The following KCNB2 variants were observed in gnomAD, a reference collection of about 807,000 sequenced individuals.
KCNB2 encodes potassium voltage-gated channel subfamily B member 2, also known as delayed rectifier potassium channel protein.
Under a neutral mutation model 61.5 loss-of-function variants are expected in KCNB2, and 15 were observed. The observed-to-expected ratio is 0.24, with a 90% CI of 0.16 to 0.38. KCNB2 has a LOEUF of 0.38. Ranked by LOEUF, KCNB2 falls within the 10% of genes least tolerant of loss-of-function variation. KCNB2 has a pLI of 1.00. For synonymous variants in KCNB2, 457 were observed against 446.0 expected (o/e 1.02, Z -0.31); for missense variants, 828 against 1,125.2 (o/e 0.74, Z 3.78).
chr8:72,688,683 C>T lies in KCNB2; in HGVS notation c.579+120370C>T, dbSNP rs140983601. ...AATTAACTACTTTAGAGTGTAATTA[C>T]CATAATTTTATAAAGAAAGGAGGAA... On this transcript the variant is annotated intron_variant, in intron 2 of 2. Coordinates refer to ENST00000523207, the MANE Select transcript of KCNB2 (RefSeq NM_004770.3). Among the ~76,000 whole-genome samples the T allele has an allele frequency of 4.6e-5, 7 of 152,024 alleles. No homozygotes were observed. In the East Asian group the frequency reaches 1.4e-3, roughly 29 times the overall value.
intron 2 of KCNB2, among the ~76,000 whole-genome samples, chr8:72,723,012 C>A (rs528316021): frequency 6.6e-6 from 1 of 152,170 alleles, no homozygotes; most frequent in East Asian, 1.9e-4. Flanking sequence ...AGCCAACCTC[C>A]CTTCTTCTTT....
chr8:72,752,979 A>AT (rs1400454189), intron 2 of KCNB2, among the ~76,000 whole-genome samples: 4 of 152,130 alleles, frequency 2.6e-5, no homozygotes, highest in Non-Finnish European at 2.9e-5. Flanking sequence ...ACATATTTCC[A>AT]TTTTTTTAGC....
chr8:72,919,517 A>T (rs1806465808), intron 2 of KCNB2, among the ~76,000 whole-genome samples: 1 of 152,190 alleles, frequency 6.6e-6, no homozygotes, highest in Admixed American at 6.5e-5. Context: ...AGAAGAGAAG[A>T]TTTGTGTGGT....
intron 2 of KCNB2, among the ~76,000 whole-genome samples, chr8:72,646,724 G>C (rs1806134900): frequency 6.6e-6 from 1 of 152,114 alleles, no homozygotes; most frequent in Non-Finnish European, 1.5e-5. Flanking sequence ...TCAAGGGCTA[G>C]GGGCAGTGGA....
chr8:72,829,228 A>G (rs193086998), intron 2 of KCNB2, among the ~76,000 whole-genome samples: 116 of 152,348 alleles, frequency 7.6e-4, no homozygotes, highest in African/African-American at 2.7e-3. Context: ...TCCTGAAGAC[A>G]CTGTCTTACA....
At chr8:72,558,447 G>A (rs980160238) in intron 1 of KCNB2, among the ~76,000 whole-genome samples, 5 of 152,138 alleles carry the variant, frequency 3.3e-5, no homozygotes, top group Admixed American at 2.0e-4. Context: ...AATTCTTTCC[G>A]GGAAGGTACT....
At chr8:72,909,122 C>T (rs1806232962) in intron 2 of KCNB2, among the ~76,000 whole-genome samples, 1 of 152,058 alleles carries the variant, frequency 6.6e-6, no homozygotes. Flanking sequence ...ACCTTAGAGA[C>T]TAATGAGCCA....
At chr8:72,708,719 A>G (rs368467576) in intron 2 of KCNB2, among the ~76,000 whole-genome samples, 1 of 152,292 alleles carries the variant, frequency 6.6e-6, no homozygotes, top group African/African-American at 2.4e-5. Flanking sequence ...GACTTGTTTT[A>G]TGTCAGTCTT....
intron 2 of KCNB2, among the ~76,000 whole-genome samples, chr8:72,902,338 G>C (rs1241212735): frequency 6.6e-6 from 1 of 152,148 alleles, no homozygotes; most frequent in Non-Finnish European, 1.5e-5. Flanking sequence ...GAGAGTGAAG[G>C]GAAAGCCAGA....
chr8:72,655,629 G>A (rs991460276), intron 2 of KCNB2, among the ~76,000 whole-genome samples: 1 of 151,876 alleles, frequency 6.6e-6, no homozygotes, highest in African/African-American at 2.4e-5. Flanking sequence ...TCCCCAGAAA[G>A]GAAAGTTAAT....
intron 2 of KCNB2, among the ~76,000 whole-genome samples, chr8:72,713,986 C>T (rs1807373473): frequency 6.6e-6 from 1 of 152,212 alleles, no homozygotes; most frequent in African/African-American, 2.4e-5. Context: ...GAGCTGAAAA[C>T]CACAGCACAA....
intron 2 of KCNB2, among the ~76,000 whole-genome samples, chr8:72,605,306 A>G (rs981645332): frequency 6.6e-6 from 1 of 152,166 alleles, no homozygotes; most frequent in Non-Finnish European, 1.5e-5. Flanking sequence ...GCAGCTGGTT[A>G]TGTCTGGGCT....
intron 2 of KCNB2, among the ~76,000 whole-genome samples, chr8:72,725,305 G>C (rs1807614117): frequency 6.6e-6 from 1 of 151,388 alleles, no homozygotes; most frequent in African/African-American, 2.4e-5. Context: ...AACAGTTCTA[G>C]GCATGGAGCC....
chr8:72,618,112 C>T (rs1343696157), intron 2 of KCNB2, among the ~76,000 whole-genome samples: 1 of 151,948 alleles, frequency 6.6e-6, no homozygotes, highest in African/African-American at 2.4e-5. Flanking sequence ...GGTGGGAAAG[C>T]TAAAAATGCC....
At chr8:72,872,423 C>T (rs1805634262) in intron 2 of KCNB2, among the ~76,000 whole-genome samples, 2 of 152,108 alleles carry the variant, frequency 1.3e-5, no homozygotes, top group African/African-American at 2.4e-5. Flanking sequence ...CAGTTTTCTC[C>T]CTTCCCCATC....
chr8:72,569,377 C>T lies in KCNB2; in HGVS notation c.579+1064C>T, dbSNP rs552673426. On this transcript the variant is annotated intron_variant, in intron 2 of 2. Transcript: ENST00000523207. ...ATAATAGAACATATGAGATTTTTGA[C>T]TGGAAATTAAGATTCTACATGATAA... Among the ~76,000 whole-genome samples the T allele has an allele frequency of 5.3e-5, 8 of 152,168 alleles. No homozygotes were observed. The East Asian group carries it at 1.2e-3, about 22-fold the overall frequency.
chr8:72,670,006 T>C (rs1806537153), intron 2 of KCNB2, among the ~76,000 whole-genome samples: 1 of 152,234 alleles, frequency 6.6e-6, no homozygotes, highest in South Asian at 2.1e-4. Flanking sequence ...GTCCTTCCTC[T>C]TATTAGCTGG....
rs375285211 is a variant in KCNB2, at chr8:72,775,964, C to G, written c.580-159971C>G. ...GACACATGCACACATATGTTCATTGCGGCACTATTCACAATAGCAAAGACT... is the reference window on the plus strand; with the variant it reads ...GACACATGCACACATATGTTCATTGGGGCACTATTCACAATAGCAAAGACT... On this transcript the variant is annotated intron_variant, in intron 2 of 2. Transcript: ENST00000523207. Among the ~76,000 whole-genome samples the G allele has an allele frequency of 1.6e-4, 25 of 152,178 alleles. 1 individual carries two copies. In the South Asian group the frequency reaches 5.0e-3, roughly 30 times the overall value.
At chr8:72,865,096 C>T (rs571254385) in intron 2 of KCNB2, among the ~76,000 whole-genome samples, 1 of 152,272 alleles carries the variant, frequency 6.6e-6, no homozygotes, top group South Asian at 2.1e-4. Flanking sequence ...GCAACAGGCT[C>T]CTGGCTGACC....
Sources: allele counts gnomAD v4.1 joint callset (sites outside exome capture counted in the v4.1 genomes callset), GRCh38; gene constraint gnomAD v4.1.1; transcripts MANE v1.5; gene names NCBI Gene and HGNC (gene_info 2026-07-23, HGNC 2026-07-21).